The following FANCB variants were observed in gnomAD, a reference collection of about 807,000 sequenced individuals.
FANCB encodes Fanconi anemia group B protein.
A neutral mutation model predicts 38.9 loss-of-function variants in FANCB; 5 were observed. The observed-to-expected ratio is 0.13, with a 90% CI of 0.07 to 0.27. The LOEUF is 0.27. Among genes scored for constraint, FANCB ranks in the 10% least tolerant of loss-of-function variants. The pLI, the probability that FANCB is intolerant of heterozygous loss-of-function variation, is 1.00. For missense variants in FANCB, 573 were observed against 602.7 expected (o/e 0.95, Z 0.52); for synonymous variants, 236 against 215.4 (o/e 1.10, Z -0.84).
At chrX:14,707,885 A>G in the FANCB span, among the ~76,000 whole-genome samples, 2 of 110,615 alleles carry the variant, frequency 1.8e-5, no homozygotes, top group Non-Finnish European at 3.8e-5. Context: ...CGACTTGATG[A>G]TTTGATATAT....
chrX:14,770,374 G>C, the FANCB span, among the ~76,000 whole-genome samples: 2 of 111,258 alleles, frequency 1.8e-5, no homozygotes, highest in Non-Finnish European at 3.8e-5. Context: ...TTGTTGAATT[G>C]AACCCTTTAC....
intron 6 of FANCB, among the ~76,000 whole-genome samples, chrX:14,851,101 C>T (rs764520415): frequency 2.7e-5 from 3 of 112,367 alleles, no homozygotes; most frequent in African/African-American, 9.7e-5. Flanking sequence ...CTACTTATAG[C>T]TTATTGCTAA....
downstream of FANCB, among the ~76,000 whole-genome samples, chrX:14,839,051 G>A (rs1244094693): frequency 1.8e-5 from 2 of 111,451 alleles, no homozygotes; most frequent in Non-Finnish European, 3.8e-5. Context: ...AGCACTTTGG[G>A]AGGAGGTCGA....
the FANCB span, among the ~76,000 whole-genome samples, chrX:14,805,839 C>T: frequency 3.6e-5 from 4 of 111,790 alleles, no homozygotes; most frequent in African/African-American, 1.3e-4. Context: ...TGCTCTAATC[C>T]CATTCACTGC....
At chrX:14,850,730 C>CA in intron 6 of FANCB, 56 bp from the exon 7 acceptor site, 4 of 705,883 alleles carry the variant, frequency 5.7e-6, no homozygotes, top group African/African-American at 2.3e-5. Context: ...TGTAGCAAAA[C>CA]TAAAAAAAAA....
chrX:14,729,425 A>C, the FANCB span, among the ~76,000 whole-genome samples: 3 of 111,124 alleles, frequency 2.7e-5, no homozygotes, highest in Non-Finnish European at 3.8e-5. Flanking sequence ...ATTTTTCTCT[A>C]AGGCTATTTG....
intron 3 of FANCB, among the ~76,000 whole-genome samples, chrX:14,864,136 A>G (rs1398622220): frequency 9.0e-6 from 1 of 110,730 alleles, no homozygotes; most frequent in Non-Finnish European, 1.9e-5. Context: ...CTCTGTCTCA[A>G]AAAAAATATA....
chrX:14,690,865 A>T, the FANCB span: 4 of 1,206,409 alleles, frequency 3.3e-6, no homozygotes, highest in African/African-American at 5.3e-5. Context: ...ATAAGGTATG[A>T]TTGCCCCTCA....
At chrX:14,702,863 T>C in the FANCB span, among the ~76,000 whole-genome samples, 1 of 111,357 alleles carries the variant, frequency 9.0e-6, no homozygotes, top group African/African-American at 3.3e-5. Context: ...CATGAAATGA[T>C]CCAGAGGCTT....
chrX:14,730,976 A>G, the FANCB span: 1 of 114,803 alleles, frequency 8.7e-6, no homozygotes, highest in African/African-American at 3.4e-5. Context: ...TAACCATCTG[A>G]CCATAGTGAC....
At chrX:14,691,601 C>A in the FANCB span, among the ~76,000 whole-genome samples, 4 of 111,303 alleles carry the variant, frequency 3.6e-5, no homozygotes, top group African/African-American at 1.3e-4. Flanking sequence ...AAATCCCAAG[C>A]CTTAGACACA....
chrX:14,834,328 C>T (rs1172510315), downstream of FANCB: 1 of 307,326 alleles, frequency 3.3e-6, no homozygotes, highest in Admixed American at 4.9e-5. Flanking sequence ...ACAACACATT[C>T]TTCACAATGG....
the FANCB span, among the ~76,000 whole-genome samples, chrX:14,725,535 G>A: frequency 9.0e-6 from 1 of 111,699 alleles, no homozygotes; most frequent in African/African-American, 3.3e-5. Context: ...GAAATGCGAT[G>A]GAAAGATTTT....
At chrX:14,730,245 C>T in the FANCB span, 12 of 1,196,000 alleles carry the variant, frequency 1.0e-5, no homozygotes, top group Non-Finnish European at 1.2e-5. Flanking sequence ...TTAATTTTAG[C>T]GGTTATGGGA....
At chrX:14,773,771 C>G in the FANCB span, among the ~76,000 whole-genome samples, 1 of 112,065 alleles carries the variant, frequency 8.9e-6, no homozygotes, top group East Asian at 2.8e-4. Context: ...CCAGGGCACT[C>G]TGTATGTGTC....
the FANCB span, among the ~76,000 whole-genome samples, chrX:14,795,955 T>C: frequency 4.5e-5 from 5 of 111,705 alleles, no homozygotes; most frequent in Non-Finnish European, 9.4e-5. Flanking sequence ...AGCTAGACAT[T>C]TGATAGGTGC....
downstream of FANCB, among the ~76,000 whole-genome samples, chrX:14,839,192 G>A (rs959154060): frequency 2.7e-5 from 3 of 111,194 alleles, no homozygotes; most frequent in Non-Finnish European, 5.7e-5. Context: ...TACTTGGGAA[G>A]CTAAGGCAGG....
chrX:14,747,928 A>G, the FANCB span, among the ~76,000 whole-genome samples: 4 of 112,096 alleles, frequency 3.6e-5, no homozygotes, highest in Non-Finnish European at 1.9e-5. Context: ...TTCATATAGA[A>G]CAACTGATTT....
At chrX:14,693,623 C>A in the FANCB span, among the ~76,000 whole-genome samples, 1 of 111,708 alleles carries the variant, frequency 9.0e-6, no homozygotes. Context: ...CAAACTACAC[C>A]CTCAAATGCA....
Sources: allele counts gnomAD v4.1 joint callset (sites outside exome capture counted in the v4.1 genomes callset), GRCh38; gene constraint gnomAD v4.1.1; transcripts MANE v1.5; gene names NCBI Gene and HGNC (gene_info 2026-07-23, HGNC 2026-07-21).